XKR9: variants seen among roughly 807,000 people sequenced by gnomAD.
XKR9 encodes the protein XK related 9.
A neutral mutation model predicts 32.0 loss-of-function variants in XKR9; 32 were observed. The observed-to-expected ratio is 1.00, with a 90% confidence interval of 0.76 to 1.34. XKR9 has a LOEUF of 1.34. XKR9 is among the 40% of genes most tolerant of loss of function. The pLI is 0.00. For missense variants in XKR9, 546 were observed against 429.7 expected (o/e 1.27, Z -2.39); for synonymous variants, 168 against 143.4 (o/e 1.17, Z -1.22).
At chr8:70,798,241 T>C in the XKR9 span, among the ~76,000 whole-genome samples, 7 of 152,288 alleles carry the variant, frequency 4.6e-5, no homozygotes, top group East Asian at 1.4e-3. Context: ...TTTTTAATAA[T>C]ATCCATTCTG....
chr8:71,035,847 T>C, the XKR9 span, among the ~76,000 whole-genome samples: 1 of 152,158 alleles, frequency 6.6e-6, no homozygotes, highest in Non-Finnish European at 1.5e-5. Flanking sequence ...GACCTTCCTT[T>C]AAAGTAGGTC....
the XKR9 span, among the ~76,000 whole-genome samples, chr8:70,914,443 G>A: frequency 6.6e-6 from 1 of 152,194 alleles, no homozygotes; most frequent in Non-Finnish European, 1.5e-5. Context: ...TGGAAGGTAA[G>A]TAGTAATATC....
At chr8:70,891,904 T>G in the XKR9 span, among the ~76,000 whole-genome samples, 15 of 152,208 alleles carry the variant, frequency 9.9e-5, no homozygotes, top group African/African-American at 3.6e-4. Flanking sequence ...TCTCTTTAGA[T>G]CTAACAATAT....
At chr8:70,872,420 C>T in the XKR9 span, among the ~76,000 whole-genome samples, 2 of 152,192 alleles carry the variant, frequency 1.3e-5, no homozygotes, top group African/African-American at 4.8e-5. Flanking sequence ...ATTTCCATTA[C>T]ATCAAAGTGC....
intron 3 of XKR9, among the ~76,000 whole-genome samples, chr8:70,692,229 GTGCACAGGAA>G (rs1347651930): frequency 6.6e-6 from 1 of 152,028 alleles, no homozygotes; most frequent in African/African-American, 2.4e-5. Flanking sequence ...GTTGTTGTTG[GTGCACAGGAA>G]TGCTAGTGAG....
intron 2 of XKR9, among the ~76,000 whole-genome samples, chr8:70,748,472 A>G (rs1288491136): frequency 6.6e-6 from 1 of 151,832 alleles, no homozygotes; most frequent in Non-Finnish European, 1.5e-5. Context: ...GTGTGTGTGC[A>G]TTCAGAGAGG....
the XKR9 span, among the ~76,000 whole-genome samples, chr8:70,826,791 T>A: frequency 1.3e-5 from 2 of 152,182 alleles, no homozygotes; most frequent in African/African-American, 4.8e-5. Context: ...CATTTTAAAA[T>A]AAAAATGCTC....
At chr8:70,845,793 T>A in the XKR9 span, among the ~76,000 whole-genome samples, 3 of 151,980 alleles carry the variant, frequency 2.0e-5, no homozygotes, top group African/African-American at 7.2e-5. Context: ...CCAAAGCCCA[T>A]GTGACATATA....
At chr8:70,964,520 A>C in the XKR9 span, among the ~76,000 whole-genome samples, 1 of 152,194 alleles carries the variant, frequency 6.6e-6, no homozygotes, top group Non-Finnish European at 1.5e-5. Flanking sequence ...ATGGTAGTTT[A>C]ATAGGAATAG....
chr8:70,743,499 C>T (rs1807016659), intron 2 of XKR9, among the ~76,000 whole-genome samples: 1 of 151,980 alleles, frequency 6.6e-6, no homozygotes. Context: ...ATTTTAGATC[C>T]TCTTGATTAT....
At chr8:70,677,428 G>A (rs912737936) in intron 2 of XKR9, among the ~76,000 whole-genome samples, 2 of 152,284 alleles carry the variant, frequency 1.3e-5, no homozygotes, top group Non-Finnish European at 2.9e-5. Flanking sequence ...GATTACAGGC[G>A]TGAGCTACTG....
At chr8:70,872,903 G>A in the XKR9 span, among the ~76,000 whole-genome samples, 1 of 152,144 alleles carries the variant, frequency 6.6e-6, no homozygotes, top group South Asian at 2.1e-4. Flanking sequence ...CAGGTGATCT[G>A]CCTGCCTTGG....
chr8:70,837,965 A>G, the XKR9 span, among the ~76,000 whole-genome samples: 1 of 152,090 alleles, frequency 6.6e-6, no homozygotes, highest in South Asian at 2.1e-4. Context: ...TTATTACTGA[A>G]AATCTCTTTC....
chr8:71,037,350 A>G, the XKR9 span, among the ~76,000 whole-genome samples: 1 of 152,180 alleles, frequency 6.6e-6, no homozygotes, highest in Non-Finnish European at 1.5e-5. Flanking sequence ...TTCTTTAGGA[A>G]ACTGAAGTCC....
At chr8:70,996,776 G>T in the XKR9 span, among the ~76,000 whole-genome samples, 2 of 152,134 alleles carry the variant, frequency 1.3e-5, no homozygotes, top group African/African-American at 4.8e-5. Context: ...CTACCCTGAA[G>T]CAGGCCATAA....
chr8:70,718,774 A>G (rs988738445), intron 4 of XKR9, among the ~76,000 whole-genome samples: 1 of 152,194 alleles, frequency 6.6e-6, no homozygotes, highest in African/African-American at 2.4e-5. Context: ...TAGTGCTGCA[A>G]TAAACATACA....
chr8:70,897,075 T>C, the XKR9 span, among the ~76,000 whole-genome samples: 1 of 152,144 alleles, frequency 6.6e-6, no homozygotes, highest in African/African-American at 2.4e-5. Context: ...TTCTACCCTC[T>C]ATCTCCATGA....
chr8:70,740,332 C>T (rs1254188927), downstream of XKR9, among the ~76,000 whole-genome samples: 7 of 152,048 alleles, frequency 4.6e-5, no homozygotes, highest in African/African-American at 1.7e-4. Context: ...CTCCTTTAAG[C>T]ACTTCTCTGT....
downstream of XKR9, among the ~76,000 whole-genome samples, chr8:70,794,464 T>A (rs1204962872): frequency 6.6e-6 from 1 of 152,122 alleles, no homozygotes; most frequent in Non-Finnish European, 1.5e-5. Flanking sequence ...TCTTTCACCA[T>A]TAATTTTGAT....
Sources: allele counts gnomAD v4.1 joint callset (sites outside exome capture counted in the v4.1 genomes callset), GRCh38; gene constraint gnomAD v4.1.1; transcripts MANE v1.5; gene names NCBI Gene and HGNC (gene_info 2026-07-23, HGNC 2026-07-21).